Variants in DEPDC1B observed in about 807,000 individuals in gnomAD.
DEPDC1B encodes the protein DEP domain containing 1B.
Under a neutral mutation model 66.5 loss-of-function variants are expected in DEPDC1B, and 51 were observed. That is an observed-to-expected ratio of 0.77 (90% CI 0.61 to 0.97). The LOEUF (loss-of-function observed/expected upper bound fraction) is 0.97. Among genes scored for constraint, DEPDC1B ranks in the 50% least tolerant of loss-of-function variants. The probability of loss-of-function intolerance (pLI) is 0.00; values close to 1 mark genes in which losing one functional copy is unlikely to be tolerated. For synonymous variants in DEPDC1B, 226 were observed against 223.6 expected (o/e 1.01, Z -0.10); for missense variants, 552 against 637.1 (o/e 0.87, Z 1.44).
intron 10 of DEPDC1B, 147 bp downstream of exon 10, chr5:60,598,927 GT>G (rs1254141113): frequency 2.8e-5 from 17 of 607,088 alleles, no homozygotes; most frequent in Non-Finnish European, 5.3e-6. Context: ...GTGTAAATCA[GT>G]GAGACTTCTA....
intron 8 of DEPDC1B, among the ~76,000 whole-genome samples, chr5:60,605,436 T>A (rs1302117020): frequency 6.6e-6 from 1 of 152,198 alleles, no homozygotes; most frequent in African/African-American, 2.4e-5. Flanking sequence ...AAGAATAAAT[T>A]TAAAATAATT....
chr5:60,604,375 C>G (rs537216396), intron 8 of DEPDC1B, among the ~76,000 whole-genome samples: 8 of 151,698 alleles, frequency 5.3e-5, no homozygotes, highest in Admixed American at 1.3e-4. Flanking sequence ...CGCCTGCCAC[C>G]ATGCCCAGCT....
intron 8 of DEPDC1B, among the ~76,000 whole-genome samples, chr5:60,604,400 T>G (rs1256644996): frequency 6.6e-6 from 1 of 151,590 alleles, no homozygotes; most frequent in African/African-American, 2.4e-5. Context: ...TTTGTAATTT[T>G]AATAGAGACG....
intron 2 of DEPDC1B, among the ~76,000 whole-genome samples, chr5:60,650,322 A>T (rs572129435): frequency 6.6e-5 from 10 of 152,330 alleles, no homozygotes; most frequent in African/African-American, 2.4e-4. Flanking sequence ...GGCTAACATA[A>T]TACGGCAATA....
chr5:60,629,272 T>C (rs1253854974), intron 7 of DEPDC1B, among the ~76,000 whole-genome samples: 1 of 152,244 alleles, frequency 6.6e-6, no homozygotes, highest in Non-Finnish European at 1.5e-5. Flanking sequence ...TGATTCCACA[T>C]CTTGAGTGCT....
intron 7 of DEPDC1B, among the ~76,000 whole-genome samples, chr5:60,611,251 C>T (rs1479589898): frequency 6.6e-6 from 1 of 152,164 alleles, no homozygotes; most frequent in African/African-American, 2.4e-5. Context: ...ACAATATGCC[C>T]ATAAGACTGT....
At chr5:60,633,958 T>C (rs1299929749) in intron 7 of DEPDC1B, among the ~76,000 whole-genome samples, 1 of 152,102 alleles carries the variant, frequency 6.6e-6, no homozygotes, top group East Asian at 1.9e-4. Context: ...GGAAGCACAA[T>C]GTTGGGTGTG....
intron 7 of DEPDC1B, among the ~76,000 whole-genome samples, chr5:60,618,454 A>T (rs113375451): frequency 6.6e-6 from 1 of 152,236 alleles, no homozygotes; most frequent in Non-Finnish European, 1.5e-5. Flanking sequence ...GATAAAGGGG[A>T]TATCACCACC....
chr5:60,685,443 T>C (rs1333987327), intron 2 of DEPDC1B, among the ~76,000 whole-genome samples: 1 of 152,174 alleles, frequency 6.6e-6, no homozygotes, highest in Non-Finnish European at 1.5e-5. Flanking sequence ...AGAATTCTAT[T>C]AGAGAAACTG....
chr5:60,686,977 T>C lies in DEPDC1B; in HGVS notation c.299A>G (p.Asn100Ser), dbSNP rs757789085. ...TTGCCATTACCTGTATAAGTGACGA[T>C]TGTCTTCAAAATCTTCCTCACCCCA... ...GKWGEEDFEDNRHLYRFPPSS... is the reference protein window; with the variant it reads ...GKWGEEDFEDSRHLYRFPPSS... Residue 100 changes from asparagine (N) to serine (S), a missense_variant, in exon 2 of 11, where the codon AAT becomes AGT. Asn to Ser is a conservative substitution (Grantham distance 46, BLOSUM62 1). Coordinates refer to ENST00000265036, the MANE Select transcript of DEPDC1B (RefSeq NM_018369.3). 9.3e-6 allele frequency: 15 copies of C among 1,614,086 alleles called. 1 individual carries two copies. The South Asian group carries it at 1.2e-4, about 13-fold the overall frequency.
At chr5:60,661,410 G>A (rs570696523) in intron 2 of DEPDC1B, among the ~76,000 whole-genome samples, 41 of 152,284 alleles carry the variant, frequency 2.7e-4, no homozygotes, top group African/African-American at 8.9e-4. Context: ...GACTATGCTC[G>A]TCGGAAAAAG....
chr5:60,631,129 G>C lies in DEPDC1B; in HGVS notation c.898+7621C>G, dbSNP rs1752915635. Among the ~76,000 whole-genome samples the C allele has an allele frequency of 2.0e-5, 3 of 152,320 alleles. 1 individual carries two copies. Among genetic ancestry groups the C allele is most frequent in the Middle Eastern group, 6.8e-3 (2 of 294 alleles). On this transcript the variant is annotated intron_variant, in intron 7 of 10. Transcript: ENST00000265036. ...TGAAGCTCAGGCTGAAGACCTGGTG[G>C]AGGAGCCTCCAGATGACAGGTCAGA...
intron 5 of DEPDC1B, 112 bp downstream of exon 5, chr5:60,644,633 A>C: frequency 1.2e-6 from 1 of 836,302 alleles, no homozygotes; most frequent in African/African-American, 1.8e-5. Flanking sequence ...GAATATACGT[A>C]ATGAAGGAAC....
At chr5:60,695,014 A>G (rs1754623121) in intron 1 of DEPDC1B, among the ~76,000 whole-genome samples, 1 of 152,172 alleles carries the variant, frequency 6.6e-6, no homozygotes, top group South Asian at 2.1e-4. Flanking sequence ...CTCTTAAGAA[A>G]GCTTCCCTAT....
intron 9 of DEPDC1B, 133 bp downstream of exon 9, chr5:60,603,258 C>T: frequency 1.3e-6 from 1 of 770,256 alleles, no homozygotes; most frequent in Admixed American, 3.7e-5. Context: ...TTACTATGTG[C>T]CAAGACCTGT....
At chr5:60,658,774 C>T (rs1160764162) in intron 2 of DEPDC1B, among the ~76,000 whole-genome samples, 1 of 152,188 alleles carries the variant, frequency 6.6e-6, no homozygotes, top group African/African-American at 2.4e-5. Context: ...GGGTCCCCTC[C>T]CATTGTATGG....
intron 1 of DEPDC1B, among the ~76,000 whole-genome samples, chr5:60,699,451 A>AAAAAAC (rs1265127439): frequency 2.3e-4 from 14 of 61,372 alleles, no homozygotes; most frequent in Admixed American, 9.6e-4. Context: ...CAGAAAAAAA[A>AAAAAAC]AAAAAAAAAA....
Position 60,599,129 on chromosome 5 carries a change from T to G in DEPDC1B, c.1374A>C (p.Glu458Asp). The G allele has an allele frequency of 6.2e-7, 1 of 1,613,060 alleles. No individual in the cohort carries two copies. Among genetic ancestry groups the G allele is most frequent in the Non-Finnish European group, 8.5e-7 (1 of 1,179,484 alleles). Residue 458 changes from glutamate to aspartate, a missense_variant, in exon 10 of 11, where the codon GAA (glutamate) becomes GAC (aspartate). By Grantham distance (45) the Glu-to-Asp change is conservative. Coordinates refer to ENST00000265036, the MANE Select transcript of DEPDC1B (RefSeq NM_018369.3). Reference sequence around the variant, plus strand: ...TGGAGAGTTTGGCATCTGTTATGACTTCCTCCAACAAGGCTGCCAGAGGTT... The same window carrying G: ...TGGAGAGTTTGGCATCTGTTATGACGTCCTCCAACAAGGCTGCCAGAGGTT... ...SQEPLAALLE[E>D]VITDAKLSNK...
chr5:60,696,950 T>A (rs989070612), intron 1 of DEPDC1B, among the ~76,000 whole-genome samples: 68 of 152,338 alleles, frequency 4.5e-4, no homozygotes, highest in African/African-American at 1.6e-3. Flanking sequence ...TACTTGCACT[T>A]GCCACAACCT....
Sources: allele counts gnomAD v4.1 joint callset (sites outside exome capture counted in the v4.1 genomes callset), GRCh38; gene constraint gnomAD v4.1.1; transcripts MANE v1.5; gene names NCBI Gene and HGNC (gene_info 2026-07-23, HGNC 2026-07-21).